The following USP32 variants were observed in gnomAD, a reference collection of about 807,000 sequenced individuals.
The protein encoded by USP32 is ubiquitin specific peptidase 32.
A neutral mutation model predicts 204.8 loss-of-function variants in USP32; 59 were observed. That is an observed-to-expected ratio of 0.29 (90% CI 0.23 to 0.36). USP32 has a LOEUF of 0.36. USP32 is among the 10% of genes least tolerant of loss of function. The pLI, the probability that USP32 is intolerant of heterozygous loss-of-function variation, is 1.00. For missense variants in USP32, 1,160 were observed against 1,946.4 expected (o/e 0.60, Z 7.60); for synonymous variants, 517 against 678.4 (o/e 0.76, Z 3.70).
intron 14 of USP32, 49 bp downstream of exon 14, chr17:60,223,362 T>G (rs2085303947): frequency 5.2e-6 from 8 of 1,525,472 alleles, no homozygotes; most frequent in Non-Finnish European, 7.2e-6. Flanking sequence ...TGAAATTTAT[T>G]AATAGCTTGC....
At position 60,314,128 on chromosome 17, in the gene USP32, C is replaced by CTTT. The variant is rs35830572; in HGVS notation, c.187-12427_187-12425dup. ...TCTGAACTAAAAAGTTATTGTGTGG[C>CTTT]TTTTTTTTTTTTTTTTTTTTTTTTT... On this transcript the variant is annotated intron_variant, in intron 2 of 33. Coordinates refer to ENST00000300896, the MANE Select transcript of USP32 (RefSeq NM_032582.4). Among the ~76,000 whole-genome samples, 190 of 52,828 alleles carry CTTT rather than the reference C, an allele frequency of 3.6e-3. 6 individuals carry two copies. Among genetic ancestry groups the CTTT allele is most frequent in the Middle Eastern group, 0.018 (1 of 56 alleles). 34.7% of individuals were successfully genotyped at this position (52,828 alleles called of 152,430 possible). A position where few individuals can be genotyped will look rare whatever the true frequency, so the allele number is the denominator to read the frequency against.
Position 60,207,118 on chromosome 17 carries a change from G to A in USP32, c.2940C>T (p.Asp980=), listed in dbSNP as rs1286647725. 1.2e-6 allele frequency: 2 copies of A among 1,611,466 alleles called. No homozygotes were observed. Among genetic ancestry groups the A allele is most frequent in the South Asian group, 2.2e-5 (2 of 90,678 alleles). ...TCACTGAGAGTCGTACTTTTTGGTTGTCCTGAGGAAAGTTCTACAGAAACA... is the reference window on the plus strand; with the variant it reads ...TCACTGAGAGTCGTACTTTTTGGTTATCCTGAGGAAAGTTCTACAGAAACA... ...HGSNIKNFPQ[D]NQKVRLSVSG... Residue 980 remains aspartate (D), a synonymous_variant, in exon 25 of 34, where the codon GAC becomes GAT. Coordinates refer to ENST00000300896, the MANE Select transcript of USP32 (RefSeq NM_032582.4).
At chr17:60,234,355 C>T (rs1369484247) in intron 12 of USP32, among the ~76,000 whole-genome samples, 1 of 151,134 alleles carries the variant, frequency 6.6e-6, no homozygotes, top group East Asian at 2.0e-4. Flanking sequence ...CCTCGTGATC[C>T]GCCCGCCTTG....
chr17:60,376,421 AAAAT>A (rs760011282), intron 1 of USP32, among the ~76,000 whole-genome samples: 8 of 151,972 alleles, frequency 5.3e-5, no homozygotes, highest in Admixed American at 2.0e-4. Flanking sequence ...CTGATTTTTA[AAAAT>A]AATAAATATT....
intron 7 of USP32, 134 bp downstream of exon 7, chr17:60,269,316 C>T (rs1320254730): frequency 3.0e-6 from 2 of 661,848 alleles, no homozygotes; most frequent in East Asian, 3.1e-5. Context: ...AAAACCCTAA[C>T]ATGAGATTAA....
At chr17:60,220,189 ATGG>A in intron 15 of USP32, among the ~76,000 whole-genome samples, 1 of 152,256 alleles carries the variant, frequency 6.6e-6, no homozygotes, top group East Asian at 1.9e-4. Context: ...GTCAAAAACT[ATGG>A]AAGTATTCAT....
intron 25 of USP32, among the ~76,000 whole-genome samples, chr17:60,206,434 A>G (rs1458170344): frequency 1.3e-5 from 2 of 149,480 alleles, no homozygotes; most frequent in Non-Finnish European, 2.9e-5. Flanking sequence ...GATGGCAAAG[A>G]TCACAGAAGT....
chr17:60,285,079 ATT>A (rs2087076934), intron 5 of USP32, among the ~76,000 whole-genome samples: 2 of 152,022 alleles, frequency 1.3e-5, no homozygotes, highest in Non-Finnish European at 2.9e-5. Flanking sequence ...TATCAGAATA[ATT>A]TTTTCTTTAA....
At chr17:60,312,210 G>A (rs562064658) in intron 2 of USP32, among the ~76,000 whole-genome samples, 127 of 152,258 alleles carry the variant, frequency 8.3e-4, no homozygotes, top group Non-Finnish European at 1.5e-3. Flanking sequence ...GACAGAAGGC[G>A]GAAACCAGAG....
intron 1 of USP32, among the ~76,000 whole-genome samples, chr17:60,409,299 A>T (rs8064622): frequency 6.6e-6 from 1 of 152,116 alleles, no homozygotes; most frequent in East Asian, 1.9e-4. Context: ...AGTGAGCCGA[A>T]ATCATGCCAC....
At chr17:60,296,940 T>C (rs1338472237) in intron 3 of USP32, among the ~76,000 whole-genome samples, 2 of 152,088 alleles carry the variant, frequency 1.3e-5, no homozygotes, top group African/African-American at 4.8e-5. Context: ...GTCAGACACA[T>C]CTCATTATAT....
Position 60,223,406 on chromosome 17 carries a change from C to G in USP32, c.1608+5G>C, listed in dbSNP as rs771826167. ...AATTTTAAGTTTAGATGTAAAATTACTTACCTTTACTGGTTCTTGAGTTAC... is the reference window on the plus strand; with the variant it reads ...AATTTTAAGTTTAGATGTAAAATTAGTTACCTTTACTGGTTCTTGAGTTAC... On this transcript the variant is annotated splice_donor_5th_base_variant and intron_variant, in intron 14 of 33. Transcript: ENST00000300896. 6.2e-7 allele frequency: 1 copy of G among 1,600,090 alleles called. No individual in the cohort carries two copies. Among genetic ancestry groups the G allele is most frequent in the South Asian group, 1.1e-5 (1 of 87,374 alleles).
At chr17:60,302,437 G>A (rs192185072) in intron 2 of USP32, among the ~76,000 whole-genome samples, 50 of 152,302 alleles carry the variant, frequency 3.3e-4, no homozygotes, top group Admixed American at 3.3e-3. Context: ...ATGAGCCACC[G>A]CGCCTGGCCT....
At chr17:60,283,000 C>A (rs1470970434) in intron 5 of USP32, among the ~76,000 whole-genome samples, 1 of 152,104 alleles carries the variant, frequency 6.6e-6, no homozygotes, top group Admixed American at 6.5e-5. Flanking sequence ...AGAGATAGGG[C>A]AAAAAGCAAA....
intron 2 of USP32, among the ~76,000 whole-genome samples, chr17:60,305,756 CAAA>C (rs2087707636): frequency 6.6e-6 from 1 of 152,074 alleles, no homozygotes; most frequent in Non-Finnish European, 1.5e-5. Flanking sequence ...GACTTTAATA[CAAA>C]GAGTAAAGCA....
Position 60,365,046 on chromosome 17 carries a change from TTTTAG to T in USP32, c.59-19443_59-19439del, listed in dbSNP as rs372067227. Among the ~76,000 whole-genome samples, 199 of 152,330 alleles carry T rather than the reference TTTTAG, an allele frequency of 1.3e-3. 1 individual carries two copies. Among genetic ancestry groups the T allele is most frequent in the African/African-American group, 4.5e-3 (186 of 41,580 alleles). On this transcript the variant is annotated intron_variant, in intron 1 of 33. Coordinates refer to ENST00000300896, the MANE Select transcript of USP32 (RefSeq NM_032582.4). ...AAGTTGAAAGTAAATTCCTTATGCC[TTTTAG>T]TTAAGAAATCATGTTATTTCAAAAA...
At chr17:60,376,283 GAAA>G (rs899741077) in intron 1 of USP32, among the ~76,000 whole-genome samples, 5 of 151,480 alleles carry the variant, frequency 3.3e-5, no homozygotes, top group Non-Finnish European at 5.9e-5. Flanking sequence ...TATATTTTAT[GAAA>G]AGTAACGGTT....
rs2086927737 is a variant in USP32 at position 60,279,903 on chromosome 17, A to T, written c.572-8422T>A. Among the ~76,000 whole-genome samples the T allele has an allele frequency of 3.3e-5, 5 of 151,334 alleles. No individual in the cohort carries two copies. The South Asian group carries it at 1.0e-3, about 31-fold the overall frequency. The stretch of plus-strand genomic sequence containing the variant: ...ATGTTTAAACAGCAAATTAGGATAG[A>T]AAAATACAATGGTATTGATTAAAAA... On this transcript the variant is annotated intron_variant, in intron 5 of 33. Coordinates refer to ENST00000300896, the MANE Select transcript of USP32 (RefSeq NM_032582.4).
chr17:60,370,733 G>C (rs2089422665), intron 1 of USP32, among the ~76,000 whole-genome samples: 2 of 144,438 alleles, frequency 1.4e-5, no homozygotes, highest in African/African-American at 5.3e-5. Flanking sequence ...CTATACTCCA[G>C]CCTGAGTGAC....
Sources: gnomAD v4.1 joint callset for allele counts (sites outside exome capture counted in the v4.1 genomes callset) on GRCh38, gnomAD v4.1.1 for gene constraint, MANE v1.5 for transcripts, NCBI Gene and HGNC (gene_info 2026-07-23, HGNC 2026-07-21) for gene names.